The following SLC38A9 variants were observed in gnomAD, a reference collection of about 807,000 sequenced individuals.
The protein encoded by SLC38A9 is neutral amino acid transporter 9.
Under a neutral mutation model 62.3 loss-of-function variants are expected in SLC38A9, and 48 were observed. The observed-to-expected ratio is 0.77, with a 90% confidence interval of 0.61 to 0.98. The LOEUF is 0.98. SLC38A9 is among the 50% of genes least tolerant of loss of function. SLC38A9 has a pLI of 0.00. For missense variants in SLC38A9, 541 were observed against 679.8 expected, an observed-to-expected ratio of 0.80 and a Z score of 2.27; for synonymous variants, 204 against 227.7, an observed-to-expected ratio of 0.90 and a Z score of 0.94.
chr5:55,644,284 G>A (rs1406273137), intron 12 of SLC38A9, among the ~76,000 whole-genome samples: 2 of 151,918 alleles, frequency 1.3e-5, no homozygotes, highest in Non-Finnish European at 2.9e-5. Context: ...TAACTGCAGA[G>A]TCTTTTAATG....
At chr5:55,675,849 A>G (rs1252756254) in intron 3 of SLC38A9, among the ~76,000 whole-genome samples, 3 of 152,092 alleles carry the variant, frequency 2.0e-5, no homozygotes, top group African/African-American at 7.2e-5. Context: ...TTCCTTAAAA[A>G]TTTTTGGCTT....
At position 55,635,570 on chromosome 5, in the gene SLC38A9, G is replaced by T. The variant is rs148631803; in HGVS notation, c.1255C>A (p.Pro419Thr). The change falls in exon 13 of 16, where the codon CCA becomes ACA. Residue 419 changes from proline to threonine, a missense_variant. Pro to Thr is a conservative substitution (Grantham distance 38). Coordinates refer to ENST00000396865, the MANE Select transcript of SLC38A9 (RefSeq NM_173514.4). ...VLVFASFPSP[P>T]LSKDCIEQNF... Reference sequence around the variant, plus strand: ...TGCTCAATACAATCTTTGGATAATGGTGGTGAAGGAAATGAAGCAAAAACC... The same window carrying T: ...TGCTCAATACAATCTTTGGATAATGTTGGTGAAGGAAATGAAGCAAAAACC... 68 of 1,613,226 alleles carry T rather than the reference G, an allele frequency of 4.2e-5. No individual in the cohort carries two copies. The highest frequency in any genetic ancestry group is 5.5e-5 in the Non-Finnish European group (65 of 1,179,416).
chr5:55,685,839 TGTTCTTAATATTTA>T (rs1753720885), intron 3 of SLC38A9, among the ~76,000 whole-genome samples: 1 of 152,148 alleles, frequency 6.6e-6, no homozygotes, highest in Admixed American at 6.5e-5. Context: ...GTGTCCATGG[TGTTCTTAATATTTA>T]GCTCCCACTT....
At chr5:55,691,209 G>T (rs1033374710) in intron 3 of SLC38A9, 1 of 945,290 alleles carries the variant, frequency 1.1e-6, no homozygotes. Context: ...ATGTTAAAAT[G>T]CAAATAGCCA....
chr5:55,656,397 TAATA>T (rs1319057903), intron 9 of SLC38A9, among the ~76,000 whole-genome samples: 1 of 151,350 alleles, frequency 6.6e-6, no homozygotes, highest in Non-Finnish European at 1.5e-5. Flanking sequence ...CTGATATAAT[TAATA>T]GTGATATAGA....
At chr5:55,652,989 C>T (rs1208170380) in intron 9 of SLC38A9, among the ~76,000 whole-genome samples, 1 of 152,074 alleles carries the variant, frequency 6.6e-6, no homozygotes, top group Non-Finnish European at 1.5e-5. Flanking sequence ...TTTTCTGAGA[C>T]AGAGTCTCGC....
At position 55,663,626 on chromosome 5, in the gene SLC38A9, G is replaced by A. The variant is rs545019140; in HGVS notation, c.697+1067C>T. Among the ~76,000 whole-genome samples the A allele has an allele frequency of 3.9e-5, 6 of 152,062 alleles. No homozygotes were observed. In the East Asian group the frequency reaches 5.8e-4, roughly 15 times the overall value. ...CGGGTGCCTGTAATCCCAGCTACTC[G>A]GAAGGCCGAAGCAGGAGAATCACTT... On this transcript the variant is annotated intron_variant, in intron 8 of 15. Transcript: ENST00000396865.
At chr5:55,708,173 T>C (rs1015099452) in intron 2 of SLC38A9, among the ~76,000 whole-genome samples, 1 of 152,174 alleles carries the variant, frequency 6.6e-6, no homozygotes, top group Non-Finnish European at 1.5e-5. Context: ...ATTTAAAATG[T>C]TGGTGACTGA....
intron 3 of SLC38A9, among the ~76,000 whole-genome samples, chr5:55,686,110 A>G (rs1753779361): frequency 6.6e-6 from 1 of 152,160 alleles, no homozygotes; most frequent in Non-Finnish European, 1.5e-5. Flanking sequence ...TCTTTATAAT[A>G]TAACTATTTA....
At chr5:55,657,415 C>A (rs779313273) in intron 8 of SLC38A9, among the ~76,000 whole-genome samples, 2 of 151,960 alleles carry the variant, frequency 1.3e-5, no homozygotes, top group Non-Finnish European at 1.5e-5. Flanking sequence ...ATATTTCACA[C>A]AGAGTACAGT....
At position 55,633,455 on chromosome 5, in the gene SLC38A9, T is replaced by C. The variant is rs190777175; in HGVS notation, c.1430+299A>G. 1.1e-4 allele frequency: 28 copies of C among 251,810 alleles called. No homozygotes were observed. In the East Asian group the frequency reaches 2.4e-3, roughly 21 times the overall value. The allele number at this position is 251,810 out of a possible 1,614,324, so 15.6% of individuals were successfully genotyped here. A position where few individuals can be genotyped will look rare whatever the true frequency, so the allele number is the denominator to read the frequency against. ...AGCTACACATTGCCAACATAGGTAC[T>C]ATACACTATAAACTTCTTGACAATA... On this transcript the variant is annotated intron_variant, in intron 14 of 15. Transcript: ENST00000396865.
At chr5:55,648,129 C>T (rs533990262) in intron 11 of SLC38A9, among the ~76,000 whole-genome samples, 5 of 152,188 alleles carry the variant, frequency 3.3e-5, no homozygotes, top group South Asian at 2.1e-4. Context: ...ATCCCAGCTA[C>T]TCAGGAGGCT....
rs1038567669 is a variant in SLC38A9, at chr5:55,627,451, A to T, written c.1520+440T>A. The stretch of plus-strand genomic sequence containing the variant: ...ATCTAGGGTCTAAATTCTTACTTAA[A>T]CTCTTACTTTTTGACTACAATTGAC... On this transcript the variant is annotated intron_variant, in intron 15 of 15. Coordinates refer to ENST00000396865, the MANE Select transcript of SLC38A9 (RefSeq NM_173514.4). Among the ~76,000 whole-genome samples the T allele has an allele frequency of 1.4e-4, 21 of 152,172 alleles. 1 individual carries two copies. The East Asian group carries it at 1.5e-3, about 11-fold the overall frequency.
intron 3 of SLC38A9, among the ~76,000 whole-genome samples, chr5:55,682,395 C>G (rs13183662): frequency 6.6e-6 from 1 of 152,002 alleles, no homozygotes; most frequent in Non-Finnish European, 1.5e-5. Flanking sequence ...CAACCAGAAC[C>G]TATAGCATAG....
intron 2 of SLC38A9, among the ~76,000 whole-genome samples, chr5:55,703,085 G>A (rs1202571233): frequency 1.3e-5 from 2 of 151,874 alleles, no homozygotes; most frequent in Non-Finnish European, 2.9e-5. Flanking sequence ...ACTGAGTAAT[G>A]GTAAACTCTG....
intron 3 of SLC38A9, chr5:55,673,342 T>A (rs1344978914): frequency 1.3e-5 from 2 of 152,350 alleles, no homozygotes; most frequent in South Asian, 2.1e-4. Flanking sequence ...CACGTCTGCA[T>A]CCTAATCAAC....
Position 55,629,052 on chromosome 5 carries a change from T to A in SLC38A9, c.1431-1072A>T, listed in dbSNP as rs10067193. On this transcript the variant is annotated intron_variant, in intron 14 of 15. Coordinates refer to ENST00000396865, the MANE Select transcript of SLC38A9 (RefSeq NM_173514.4). ...TTAGAAAGATATTAGGGCTTACAGATCTTACTGTTTACCCAGAAACTCTAA... is the reference window on the plus strand; with the variant it reads ...TTAGAAAGATATTAGGGCTTACAGAACTTACTGTTTACCCAGAAACTCTAA... 5.1e-3 allele frequency among the ~76,000 whole-genome samples: 780 copies of A among 152,262 alleles called. 9 individuals carry two copies. Among genetic ancestry groups the A allele is most frequent in the African/African-American group, 0.018 (753 of 41,554 alleles).
chr5:55,630,273 A>G (rs996841092), intron 14 of SLC38A9, among the ~76,000 whole-genome samples: 2 of 152,180 alleles, frequency 1.3e-5, no homozygotes, highest in Admixed American at 6.5e-5. Context: ...AGTAAAACAA[A>G]CATCAGAGTT....
chr5:55,629,733 GA>G (rs1743091641), intron 14 of SLC38A9, among the ~76,000 whole-genome samples: 1 of 152,118 alleles, frequency 6.6e-6, no homozygotes, highest in Admixed American at 6.5e-5. Context: ...ATAATTCAAG[GA>G]AAACAACTGG....
Sources: gnomAD v4.1 joint callset for allele counts (sites outside exome capture counted in the v4.1 genomes callset) on GRCh38, gnomAD v4.1.1 for gene constraint, MANE v1.5 for transcripts, NCBI Gene and HGNC (gene_info 2026-07-23, HGNC 2026-07-21) for gene names.